F10: variants seen among roughly 807,000 people sequenced by gnomAD.
F10 encodes the protein coagulation factor X.
In F10, 29 loss-of-function variants were observed where a neutral mutation model predicts 37.1. The ratio of observed to expected loss-of-function variants is 0.78; its 90% CI spans 0.58 to 1.07. F10 has a LOEUF of 1.07. F10 is among the 50% of genes least tolerant of loss of function. The pLI, the probability that F10 is intolerant of heterozygous loss-of-function variation, is 0.00. For synonymous variants in F10, 262 were observed against 268.6 expected (o/e 0.98, Z 0.24); for missense variants, 539 against 667.9 (o/e 0.81, Z 2.13).
In F10 at chr13:113,149,260, T is replaced by C. The variant is rs1595099645; in HGVS notation, c.1210T>C (p.Cys404Arg). 1.9e-6 allele frequency: 3 copies of C among 1,613,212 alleles called. No individual in the cohort carries two copies. The South Asian group carries it at 3.3e-5, about 18-fold the overall frequency. Residue 404 changes from cysteine to arginine, a missense_variant, in exon 8 of 8, where the codon TGT (cysteine) becomes CGT (arginine). Physicochemically the swap from Cys to Arg is radical, Grantham distance 180 (BLOSUM62 -3). Around this residue, in one of 2 missense-constraint regions of F10, gnomAD observed 409 missense variants for 547.9 expected, o/e 0.75. Coordinates refer to ENST00000375559, the MANE Select transcript of F10 (RefSeq NM_000504.4). This position sits in a 1 kb window ranked among gnomAD's most constrained non-coding sequence, Gnocchi z 7.5. ...CTTCATCATCACCCAGAACATGTTCTGTGCCGGCTACGACACCAAGCAGGA... is the reference window on the plus strand; with the variant it reads ...CTTCATCATCACCCAGAACATGTTCCGTGCCGGCTACGACACCAAGCAGGA... ...SSFIITQNMF[C>R]AGYDTKQEDA... is the part of the protein sequence containing the mutation.
In F10 at chr13:113,144,518, G is replaced by A. The variant is rs536239612; in HGVS notation, c.747+423G>A. The stretch of plus-strand genomic sequence containing the variant: ...CACCCACACTGCAGGGGCATCAGCG[G>A]GCAGGAGGACGGTGCCGGGTGGGCA... On this transcript the variant is annotated intron_variant, in intron 6 of 7. Transcript: ENST00000375559. The surrounding 1 kb of genome is among the most constrained non-coding windows in gnomAD (Gnocchi z 6.4). Among the ~76,000 whole-genome samples, 17 of 152,374 alleles carry A rather than the reference G, an allele frequency of 1.1e-4. No homozygotes were observed. The South Asian group carries it at 3.3e-3, about 30-fold the overall frequency.
chr13:113,144,173 A>G lies in F10; in HGVS notation c.747+78A>G. On this transcript the variant is annotated intron_variant, in intron 6 of 7. Coordinates refer to ENST00000375559, the MANE Select transcript of F10 (RefSeq NM_000504.4). The surrounding 1 kb of genome is among the most constrained non-coding windows in gnomAD (Gnocchi z 6.4). ...TGCACCTCGGGGAGGCCAGCCTGAC[A>G]CTTGGAATAGCAATCCGGGAAGGAA... 6 of 1,599,750 alleles carry G rather than the reference A, an allele frequency of 3.8e-6. No homozygotes were observed. Among genetic ancestry groups the G allele is most frequent in the Non-Finnish European group, 5.1e-6 (6 of 1,173,662 alleles).
rs1173190107 is a variant in F10, at chr13:113,146,441, G to A, written c.748-938G>A. The stretch of plus-strand genomic sequence containing the variant: ...TCCTGGGCTGGGGGACCAGGGTGGG[G>A]CGCCCTGGAGGGCTCACTGGAGGGG... On this transcript the variant is annotated intron_variant, in intron 6 of 7. Transcript: ENST00000375559. This position sits in a 1 kb window ranked among gnomAD's most constrained non-coding sequence, Gnocchi z 4.5. Among the ~76,000 whole-genome samples, 18 of 152,168 alleles carry A rather than the reference G, an allele frequency of 1.2e-4. No homozygotes were observed. Among genetic ancestry groups the A allele is most frequent in the African/African-American group, 4.3e-4 (18 of 41,438 alleles).
intron 2 of F10, chr13:113,130,024 T>TGAGAGCCACAGCC: frequency 3.0e-6 from 1 of 330,942 alleles, no homozygotes. Context: ...CCGTAGTCGC[T>TGAGAGCCACAGCC]GAGAGCCACA....
intron 1 of F10, among the ~76,000 whole-genome samples, chr13:113,123,734 TG>T (rs1428034153): frequency 6.6e-5 from 10 of 152,118 alleles, no homozygotes; most frequent in Non-Finnish European, 1.5e-4. Flanking sequence ...GGATCCTCAG[TG>T]CATCACTGAC....
chr13:113,123,204 G>A (rs1300726196), intron 1 of F10, among the ~76,000 whole-genome samples: 1 of 152,148 alleles, frequency 6.6e-6, no homozygotes, highest in Non-Finnish European at 1.5e-5. Context: ...AAGGAGAAAC[G>A]GAGACACAGT....
At position 113,139,841 on chromosome 13, in the gene F10, G is replaced by A. The variant is rs922276110; in HGVS notation, c.370+371G>A. On this transcript the variant is annotated intron_variant, in intron 4 of 7. Transcript: ENST00000375559. This position sits in a 1 kb window ranked among gnomAD's most constrained non-coding sequence, Gnocchi z 5.2. ...CCTGCTCCTTGTGACCCTGTGCAGTGATTCTAAATCACCTCTTATTTATGT... is the reference window on the plus strand; with the variant it reads ...CCTGCTCCTTGTGACCCTGTGCAGTAATTCTAAATCACCTCTTATTTATGT... Among the ~76,000 whole-genome samples the A allele has an allele frequency of 3.9e-5, 6 of 152,084 alleles. No individual in the cohort carries two copies. The highest frequency in any genetic ancestry group is 8.8e-5 in the Non-Finnish European group (6 of 68,028).
rs543002525 is a variant in F10 at position 113,123,880 on chromosome 13, G to A, written c.70+955G>A. The stretch of plus-strand genomic sequence containing the variant: ...CATCTTCCTGTCTCCCACGCGGAAC[G>A]GGACTCCCGTCTTCATGGGGTACTG... On this transcript the variant is annotated intron_variant, in intron 1 of 7. Transcript: ENST00000375559. Among the ~76,000 whole-genome samples the A allele has an allele frequency of 2.2e-3, 327 of 150,362 alleles. 1 individual carries two copies. The highest frequency in any genetic ancestry group is 5.4e-3 in the Admixed American group (81 of 15,134).
intron 2 of F10, among the ~76,000 whole-genome samples, chr13:113,136,040 A>T (rs1484475209): frequency 6.6e-6 from 1 of 152,252 alleles, no homozygotes; most frequent in East Asian, 1.9e-4. Context: ...AAATCTTAAC[A>T]GATCAGAAGA....
chr13:113,147,374 C>T lies in F10; in HGVS notation c.748-5C>T. ...GCCACACTGAGCCTGTCACGTCTGT[C>T]ACAGGCCCTGCTCATCAATGAGGAA... is the stretch of plus-strand genomic sequence containing the variant. On this transcript the variant is annotated splice_region_variant and splice_polypyrimidine_tract_variant and intron_variant, in intron 6 of 7. Coordinates refer to ENST00000375559, the MANE Select transcript of F10 (RefSeq NM_000504.4). 1 of 1,589,934 alleles carries T rather than the reference C, an allele frequency of 6.3e-7. No homozygotes were observed. The highest frequency in any genetic ancestry group is 8.6e-7 in the Non-Finnish European group (1 of 1,157,738).
In F10 at chr13:113,144,689, C is replaced by G. The variant is rs2036564272; in HGVS notation, c.747+594C>G. ...AGAGAAAAACACATCTACTTATTTT[C>G]AAAGGTAAAAAAGAAAATCACTCTT... On this transcript the variant is annotated intron_variant, in intron 6 of 7. Transcript: ENST00000375559. The surrounding 1 kb of genome is among the most constrained non-coding windows in gnomAD (Gnocchi z 6.4). Among the ~76,000 whole-genome samples, 1 of 152,208 alleles carries G rather than the reference C, an allele frequency of 6.6e-6. No individual in the cohort carries two copies. The highest frequency in any genetic ancestry group is 1.5e-5 in the Non-Finnish European group (1 of 68,036).
At chr13:113,123,463 G>C (rs2036340020) in intron 1 of F10, among the ~76,000 whole-genome samples, 1 of 152,194 alleles carries the variant, frequency 6.6e-6, no homozygotes, top group Admixed American at 6.5e-5. Flanking sequence ...CAGCAGGGCT[G>C]TCCAGGACCC....
In F10 at chr13:113,122,873, C is replaced by T; in HGVS notation, c.18C>T (p.His6=). The change falls in exon 1 of 8, where the codon CAC becomes CAT. Residue 6 remains histidine (H), a synonymous_variant. Transcript: ENST00000375559. MGRPL[H]LVLLSASLAG... The stretch of plus-strand genomic sequence containing the variant: ...GCCACACCATGGGGCGCCCACTGCA[C>T]CTCGTCCTGCTCAGTGCCTCCCTGG... 1 of 1,610,800 alleles carries T rather than the reference C, an allele frequency of 6.2e-7. No individual in the cohort carries two copies. Among genetic ancestry groups the T allele is most frequent in the East Asian group, 2.2e-5 (1 of 44,888 alleles).
intron 6 of F10, among the ~76,000 whole-genome samples, chr13:113,147,071 C>T (rs948111432): frequency 7.2e-5 from 11 of 152,196 alleles, no homozygotes; most frequent in East Asian, 1.9e-4. Context: ...GCCACAGAGA[C>T]GGGAAAGGCT....
At chr13:113,138,610 G>A (rs534931335) in intron 3 of F10, 129 bp downstream of exon 3, 2 of 661,536 alleles carry the variant, frequency 3.0e-6, no homozygotes, top group Non-Finnish European at 5.4e-6. Context: ...TTTCCCTCAG[G>A]GTGTTTCCAT....
chr13:113,148,345 A>AAATATATAT (rs1300922846), intron 7 of F10, among the ~76,000 whole-genome samples: 4 of 95,436 alleles, frequency 4.2e-5, no homozygotes, highest in African/African-American at 1.2e-4. Flanking sequence ...AAAAAAAAAA[A>AAATATATAT]ATATATATAT....
intron 2 of F10, among the ~76,000 whole-genome samples, chr13:113,133,654 G>C (rs1156332703): frequency 6.6e-6 from 1 of 152,048 alleles, no homozygotes; most frequent in East Asian, 1.9e-4. Flanking sequence ...CATAGAAGAG[G>C]GAACACTTCT....
At chr13:113,129,411 G>A (rs765301840) in intron 1 of F10, 41 bp from the exon 2 acceptor site, 38 of 1,416,174 alleles carry the variant, frequency 2.7e-5, no homozygotes, top group Non-Finnish European at 3.4e-5. Context: ...GCCTGGGTGA[G>A]GGTGACCAGA....
chr13:113,144,156 G>A lies in F10; in HGVS notation c.747+61G>A, dbSNP rs969324987. 1.6e-5 allele frequency: 26 copies of A among 1,608,494 alleles called. No individual in the cohort carries two copies. The highest frequency in any genetic ancestry group is 1.7e-4 in the Middle Eastern group (1 of 5,848). The stretch of plus-strand genomic sequence containing the variant: ...GACCACCTGTCCCGCTGTGCACCTC[G>A]GGGAGGCCAGCCTGACACTTGGAAT... On this transcript the variant is annotated intron_variant, in intron 6 of 7. Transcript: ENST00000375559. This position sits in a 1 kb window ranked among gnomAD's most constrained non-coding sequence, Gnocchi z 6.4.
Sources: gnomAD v4.1 joint callset for allele counts (sites outside exome capture counted in the v4.1 genomes callset) on GRCh38, gnomAD v4.1.1 for gene constraint, gnomAD v4.1.1 regional missense constraint, Gnocchi (gnomAD v3.1) non-coding constraint, MANE v1.5 for transcripts, NCBI Gene and HGNC (gene_info 2026-07-23, HGNC 2026-07-21) for gene names.